MBD5: variants seen among roughly 807,000 people sequenced by gnomAD.
MBD5 encodes methyl-CpG-binding domain protein 5.
Under a neutral mutation model 117.3 loss-of-function variants are expected in MBD5, and 13 were observed. The observed-to-expected ratio is 0.11, with a 90% CI of 0.07 to 0.18. MBD5 has a LOEUF of 0.18. Ranked by LOEUF, MBD5 falls within the 10% of genes least tolerant of loss-of-function variation. The pLI, the probability that MBD5 is intolerant of heterozygous loss-of-function variation, is 1.00. For missense variants in MBD5, 1,879 were observed against 2,093.8 expected (o/e 0.90, Z 2.00); for synonymous variants, 727 against 766.4 (o/e 0.95, Z 0.85).
intron 1 of MBD5, among the ~76,000 whole-genome samples, chr2:148,158,380 C>G (rs1022813958): frequency 6.6e-6 from 1 of 152,090 alleles, no homozygotes; most frequent in African/African-American, 2.4e-5. Context: ...CACATGAAGC[C>G]CTTGTCTCAG....
intron 3 of MBD5, among the ~76,000 whole-genome samples, chr2:148,272,781 G>A (rs1701016827): frequency 6.6e-6 from 1 of 151,970 alleles, no homozygotes; most frequent in Non-Finnish European, 1.5e-5. Flanking sequence ...GTGCTTTTTA[G>A]TTTGATATAA....
chr2:148,309,315 C>T (rs897175520), intron 3 of MBD5, among the ~76,000 whole-genome samples: 1 of 152,132 alleles, frequency 6.6e-6, no homozygotes, highest in Non-Finnish European at 1.5e-5. Context: ...TTGCTTGTCT[C>T]CTCTTTTATT....
At chr2:148,381,851 C>A (rs1476404532) in intron 4 of MBD5, among the ~76,000 whole-genome samples, 1 of 152,078 alleles carries the variant, frequency 6.6e-6, no homozygotes, top group Non-Finnish European at 1.5e-5. Flanking sequence ...TCATATCTAG[C>A]CAAACTAAGC....
intron 1 of MBD5, among the ~76,000 whole-genome samples, chr2:148,118,231 G>A (rs1696684917): frequency 6.6e-6 from 1 of 152,116 alleles, no homozygotes; most frequent in Non-Finnish European, 1.5e-5. Context: ...TACCAAATAA[G>A]TTAGTGTCAA....
chr2:148,470,257 A>G lies in MBD5; in HGVS notation c.2314A>G (p.Asn772Asp). 1 of 1,613,988 alleles carries G rather than the reference A, an allele frequency of 6.2e-7. No homozygotes were observed. Among genetic ancestry groups the G allele is most frequent in the East Asian group, 2.2e-5 (1 of 44,874 alleles). ...HNANTNFVHSNSPVPNHHLAG... is the reference protein window; with the variant it reads ...HNANTNFVHSDSPVPNHHLAG... ...TGCAAACACTAACTTTGTTCACAGT[A>G]ACAGTCCAGTCCCCAACCACCATCT... The change falls in exon 8 of 14, where the codon AAC becomes GAC. Residue 772 changes from asparagine to aspartate, a missense_variant. Asn to Asp is a conservative substitution (Grantham distance 23). Transcript: ENST00000642680.
At chr2:148,100,906 G>T (rs1696193752) in intron 1 of MBD5, among the ~76,000 whole-genome samples, 1 of 138,282 alleles carries the variant, frequency 7.2e-6, no homozygotes, top group South Asian at 2.3e-4. Context: ...AGAGAATGTG[G>T]GATAGGATTG....
At chr2:148,345,866 A>G (rs1258844645) in intron 4 of MBD5, among the ~76,000 whole-genome samples, 1 of 151,870 alleles carries the variant, frequency 6.6e-6, no homozygotes, top group African/African-American at 2.4e-5. Flanking sequence ...CCAGCACAGG[A>G]GAAAGATGTA....
At chr2:148,464,802 TA>T (rs10693462) in intron 7 of MBD5, among the ~76,000 whole-genome samples, 9 of 146,238 alleles carry the variant, frequency 6.2e-5, no homozygotes, top group African/African-American at 2.3e-4. Context: ...TAAAATAATT[TA>T]AAAAAAAAAA....
intron 4 of MBD5, among the ~76,000 whole-genome samples, chr2:148,390,866 T>G (rs1704553477): frequency 1.3e-5 from 2 of 152,186 alleles, no homozygotes; most frequent in South Asian, 4.1e-4. Flanking sequence ...CAGCCTATAG[T>G]AATAATTGTT....
intron 1 of MBD5, among the ~76,000 whole-genome samples, chr2:148,105,330 A>T (rs1219754624): frequency 2.6e-5 from 4 of 151,594 alleles, no homozygotes; most frequent in Non-Finnish European, 5.9e-5. Flanking sequence ...GTGATCCTCC[A>T]GCCTTAGCTT....
intron 1 of MBD5, among the ~76,000 whole-genome samples, chr2:148,115,319 T>C (rs1696608367): frequency 6.6e-6 from 1 of 152,198 alleles, no homozygotes; most frequent in Admixed American, 6.5e-5. Context: ...GTGATAAGAC[T>C]CTGAGCTCTG....
intron 2 of MBD5, among the ~76,000 whole-genome samples, chr2:148,227,255 T>C (rs995244677): frequency 2.0e-5 from 3 of 152,192 alleles, no homozygotes; most frequent in Admixed American, 2.0e-4. Context: ...GGGTCTAACA[T>C]GTAAGTCTTT....
chr2:148,412,195 C>T (rs1286806955), intron 4 of MBD5, among the ~76,000 whole-genome samples: 2 of 151,590 alleles, frequency 1.3e-5, no homozygotes, highest in Non-Finnish European at 2.9e-5. Flanking sequence ...GCTCTCTATT[C>T]TATTCCATTG....
chr2:148,181,786 T>C (rs1698540261), intron 2 of MBD5, among the ~76,000 whole-genome samples: 1 of 152,140 alleles, frequency 6.6e-6, no homozygotes, highest in South Asian at 2.1e-4. Context: ...AACTTTTAAA[T>C]TTTATGCATG....
chr2:148,188,894 G>C (rs1306786862), intron 2 of MBD5, among the ~76,000 whole-genome samples: 3 of 151,744 alleles, frequency 2.0e-5, no homozygotes, highest in Admixed American at 6.6e-5. Context: ...AGGCCAGTGT[G>C]TGTGCGCACC....
intron 1 of MBD5, among the ~76,000 whole-genome samples, chr2:148,143,023 G>T (rs1697355148): frequency 6.6e-6 from 1 of 152,058 alleles, no homozygotes; most frequent in African/African-American, 2.4e-5. Flanking sequence ...ATTAGAGATG[G>T]GTAGAAATGG....
At chr2:148,482,962 G>A (rs575679790) in intron 8 of MBD5, 148 bp from the exon 9 acceptor site, 133 of 839,362 alleles carry the variant, frequency 1.6e-4, no homozygotes, top group Middle Eastern at 5.4e-4. Flanking sequence ...GATGTCAAGT[G>A]ATCTGATTAC....
In MBD5 at chr2:148,294,501, G is replaced by GTTTTTTTT. The variant is rs58961481; in HGVS notation, c.-679-47700_-679-47693dup. ...GGCCTCCCAAAGTGCTGGGATTACA[G>GTTTTTTTT]TTTTTTTTTTTTTTTTTTTTGAGAT... On this transcript the variant is annotated intron_variant, in intron 3 of 13. Transcript: ENST00000642680. Among the ~76,000 whole-genome samples the GTTTTTTTT allele has an allele frequency of 1.7e-3, 193 of 113,222 alleles. 15 individuals are homozygous for GTTTTTTTT. The highest frequency in any genetic ancestry group is 6.6e-3 in the African/African-American group (180 of 27,264). 74.3% of individuals were successfully genotyped at this position (113,222 alleles called of 152,430 possible). A position where few individuals can be genotyped will look rare whatever the true frequency, so the allele number is the denominator to read the frequency against.
At chr2:148,401,468 T>C (rs978238968) in intron 4 of MBD5, among the ~76,000 whole-genome samples, 4 of 152,190 alleles carry the variant, frequency 2.6e-5, no homozygotes, top group African/African-American at 9.6e-5. Flanking sequence ...CAGTTTCTTG[T>C]ATTCAATTCT....
Sources: gnomAD v4.1 joint callset for allele counts (sites outside exome capture counted in the v4.1 genomes callset) on GRCh38, gnomAD v4.1.1 for gene constraint, MANE v1.5 for transcripts, NCBI Gene and HGNC (gene_info 2026-07-23, HGNC 2026-07-21) for gene names.